The following ARID3B variants were observed in gnomAD, a reference collection of about 807,000 sequenced individuals.
The protein encoded by ARID3B is AT-rich interaction domain 3B, also known as AT-rich interactive domain-containing protein 3B.
ARID3B carries 10 observed loss-of-function variants against 51.9 expected under a neutral mutation model. The observed-to-expected ratio is 0.19, with a 90% CI of 0.12 to 0.33. The LOEUF (loss-of-function observed/expected upper bound fraction) is 0.33, where lower values mean the gene tolerates loss of function less well. Among genes scored for constraint, ARID3B ranks in the 10% least tolerant of loss-of-function variants. The pLI is 1.00. For missense variants in ARID3B, 483 were observed against 716.3 expected (o/e 0.67, Z 3.72); for synonymous variants, 205 against 279.5 (o/e 0.73, Z 2.66).
At chr15:74,555,260 G>A (rs2061653344) in intron 2 of ARID3B, among the ~76,000 whole-genome samples, 2 of 152,222 alleles carry the variant, frequency 1.3e-5, no homozygotes, top group East Asian at 1.9e-4. Context: ...TAGGTGCTGG[G>A]TACTGAAGCT....
intron 4 of ARID3B, among the ~76,000 whole-genome samples, chr15:74,575,401 C>T (rs2061734141): frequency 6.6e-6 from 1 of 152,210 alleles, no homozygotes; most frequent in Non-Finnish European, 1.5e-5. Context: ...TCTTTCATGT[C>T]CCCAGTGCTA....
At position 74,579,828 on chromosome 15, in the gene ARID3B, CGTGTGTGTGTGTGTGTGTGTGTGTGT is replaced by C. The variant is rs374538596; in HGVS notation, c.697+6644_697+6669del. Reference sequence around the variant, plus strand: ...ATGCCCCTTTGGGCTCACCTGTTGCCGTGTGTGTGTGTGTGTGTGTGTGTGTGTGTGTGTGTGTGTGTGTGCGCGCG... The same window carrying C: ...ATGCCCCTTTGGGCTCACCTGTTGCCGTGTGTGTGTGTGTGTGTGCGCGCG... On this transcript the variant is annotated intron_variant, in intron 4 of 8. Transcript: ENST00000346246. Among the ~76,000 whole-genome samples the C allele has an allele frequency of 2.9e-5, 4 of 137,768 alleles. No homozygotes were observed. In the South Asian group the frequency reaches 7.1e-4, roughly 24 times the overall value. The allele number at this position is 137,768 out of a possible 152,430, so 90.4% of individuals were successfully genotyped here.
intron 2 of ARID3B, among the ~76,000 whole-genome samples, chr15:74,572,553 T>G (rs1426353389): frequency 1.3e-5 from 2 of 152,196 alleles, no homozygotes; most frequent in Admixed American, 1.3e-4. Flanking sequence ...AACGTGGGCC[T>G]TTGTGTCCTC....
chr15:74,555,442 A>T (rs2061654034), intron 2 of ARID3B, among the ~76,000 whole-genome samples: 1 of 151,848 alleles, frequency 6.6e-6, no homozygotes, highest in Non-Finnish European at 1.5e-5. Flanking sequence ...TGATTCTCCC[A>T]CCTCAGCCTT....
At position 74,596,553 on chromosome 15, in the gene ARID3B, A is replaced by G; in HGVS notation, c.*779A>G. 1 of 233,548 alleles carries G rather than the reference A, an allele frequency of 4.3e-6. No homozygotes were observed. Among genetic ancestry groups the G allele is most frequent in the Non-Finnish European group, 8.5e-6 (1 of 118,072 alleles). The allele number at this position is 233,548 out of a possible 1,614,324, so 14.5% of individuals were successfully genotyped here. A position where few individuals can be genotyped will look rare whatever the true frequency, so the allele number is the denominator to read the frequency against. ...TTGCCCTTATTGGCCTGCTTTCCCAAAAACAGCCCACTCATCCTTTCCCCA... is the reference window on the plus strand; with the variant it reads ...TTGCCCTTATTGGCCTGCTTTCCCAGAAACAGCCCACTCATCCTTTCCCCA... On this transcript the variant is annotated 3_prime_UTR_variant, in exon 9 of 9. Transcript: ENST00000346246.
At chr15:74,588,862 G>C (rs1432590157) in intron 4 of ARID3B, among the ~76,000 whole-genome samples, 1 of 151,772 alleles carries the variant, frequency 6.6e-6, no homozygotes, top group East Asian at 1.9e-4. Flanking sequence ...GGAGTGGGTG[G>C]AGTGATTGGT....
At position 74,544,159 on chromosome 15, in the gene ARID3B, A is replaced by G. The variant is rs1370308495; in HGVS notation, c.223A>G (p.Thr75Ala). Residue 75 changes from threonine (T) to alanine (A), a missense_variant, in exon 2 of 9, where the codon ACC becomes GCC. Transcript: ENST00000346246. ...AGGTCCCTTAGCCAGAGTTCCACCC[A>G]CCGCAGCAGTGGCCCAAGTGTTTGA... ...PLGPLARVPPTAAVAQVFERG... is the reference protein window; with the variant it reads ...PLGPLARVPPAAAVAQVFERG... 6.2e-7 allele frequency: 1 copy of G among 1,613,822 alleles called. No homozygotes were observed. The highest frequency in any genetic ancestry group is 8.5e-7 in the Non-Finnish European group (1 of 1,179,786).
At chr15:74,585,371 G>A (rs966123120) in intron 4 of ARID3B, among the ~76,000 whole-genome samples, 2 of 152,206 alleles carry the variant, frequency 1.3e-5, no homozygotes, top group African/African-American at 2.4e-5. Flanking sequence ...GCAAAGACTG[G>A]GAAAGGAGCC....
Position 74,579,876 on chromosome 15 carries a change from C to T in ARID3B, c.697+6672C>T, listed in dbSNP as rs531466999. Among the ~76,000 whole-genome samples, 305 of 101,972 alleles carry T rather than the reference C, an allele frequency of 3.0e-3. 1 individual carries two copies. Among genetic ancestry groups the T allele is most frequent in the Middle Eastern group, 5.8e-3 (1 of 172 alleles). 66.9% of individuals were successfully genotyped at this position (101,972 alleles called of 152,430 possible). A position where few individuals can be genotyped will look rare whatever the true frequency, so the allele number is the denominator to read the frequency against. On this transcript the variant is annotated intron_variant, in intron 4 of 8. Coordinates refer to ENST00000346246, the MANE Select transcript of ARID3B (RefSeq NM_006465.4). ...GTGTGTGTGTGTGTGTGTGTGTGCGCGCGCGCGCACACGCAAAAAATACAC... is the reference window on the plus strand; with the variant it reads ...GTGTGTGTGTGTGTGTGTGTGTGCGTGCGCGCGCACACGCAAAAAATACAC...
rs556744390 is a variant in ARID3B at position 74,593,039 on chromosome 15, C to T, written c.1421-99C>T. The T allele has an allele frequency of 5.9e-5, 58 of 981,848 alleles. 1 individual carries two copies. Among genetic ancestry groups the T allele is most frequent in the Non-Finnish European group, 8.0e-5 (52 of 646,980 alleles). The allele number at this position is 981,848 out of a possible 1,614,324, so 60.8% of individuals were successfully genotyped here. ...AGGTTACATAGATGCCTTTTAACAG[C>T]GTGAGGCTTTGACCAGGGGTGGCCA... is the stretch of plus-strand genomic sequence containing the variant. On this transcript the variant is annotated intron_variant, in intron 7 of 8. Transcript: ENST00000346246.
intron 2 of ARID3B, among the ~76,000 whole-genome samples, chr15:74,545,798 G>C (rs1318289316): frequency 1.3e-5 from 2 of 152,202 alleles, no homozygotes. Flanking sequence ...TACAACAATA[G>C]TGTTTGCAGC....
chr15:74,557,183 C>T (rs971993663), intron 2 of ARID3B, among the ~76,000 whole-genome samples: 1 of 151,512 alleles, frequency 6.6e-6, no homozygotes, highest in Non-Finnish European at 1.5e-5. Context: ...CGGAGGCCAA[C>T]GCAGGCGGAT....
chr15:74,558,116 G>A (rs897926838), intron 2 of ARID3B, among the ~76,000 whole-genome samples: 2 of 151,176 alleles, frequency 1.3e-5, no homozygotes, highest in Non-Finnish European at 2.9e-5. Flanking sequence ...CCACGCGCCC[G>A]GCCTTTCAAC....
rs576228268 is a variant in ARID3B, at chr15:74,596,104, C to T, written c.*330C>T. ...AGTGTATCGACAATCTGTCAGCCGACGCAGGGCTGGAGGCCCTCCATTTCC... is the reference window on the plus strand; with the variant it reads ...AGTGTATCGACAATCTGTCAGCCGATGCAGGGCTGGAGGCCCTCCATTTCC... On this transcript the variant is annotated 3_prime_UTR_variant, in exon 9 of 9. Coordinates refer to ENST00000346246, the MANE Select transcript of ARID3B (RefSeq NM_006465.4). The T allele has an allele frequency of 1.0e-4, 31 of 310,572 alleles. No individual in the cohort carries two copies. Among genetic ancestry groups the T allele is most frequent in the African/African-American group, 6.1e-4 (29 of 47,312 alleles). The allele number at this position is 310,572 out of a possible 1,614,324, so 19.2% of individuals were successfully genotyped here.
chr15:74,564,596 ATTTTCT>A (rs934948956), intron 2 of ARID3B, among the ~76,000 whole-genome samples: 1 of 151,668 alleles, frequency 6.6e-6, no homozygotes, highest in African/African-American at 2.4e-5. Context: ...AAGTCTAACG[ATTTTCT>A]TTTTCTTTTT....
At chr15:74,548,622 T>C (rs2061624459) in intron 2 of ARID3B, among the ~76,000 whole-genome samples, 1 of 152,228 alleles carries the variant, frequency 6.6e-6, no homozygotes, top group African/African-American at 2.4e-5. Context: ...AATTAAAGAA[T>C]TCCTAACGTC....
At chr15:74,569,021 CCTG>C (rs2061709822) in intron 2 of ARID3B, among the ~76,000 whole-genome samples, 1 of 152,168 alleles carries the variant, frequency 6.6e-6, no homozygotes. Flanking sequence ...TCTGCTGTTC[CCTG>C]CTTTCTTCCA....
chr15:74,584,110 C>T (rs2061771546), intron 4 of ARID3B, among the ~76,000 whole-genome samples: 1 of 152,108 alleles, frequency 6.6e-6, no homozygotes, highest in Non-Finnish European at 1.5e-5. Flanking sequence ...CTGCAGGGCA[C>T]TGAGGTTTGG....
At chr15:74,573,519 G>C (rs1400054920) in intron 4 of ARID3B, 3 of 365,396 alleles carry the variant, frequency 8.2e-6, no homozygotes, top group Non-Finnish European at 1.5e-5. Flanking sequence ...AGCTACCCTG[G>C]ACTTCACTTA....
Sources: allele counts gnomAD v4.1 joint callset (sites outside exome capture counted in the v4.1 genomes callset), GRCh38; gene constraint gnomAD v4.1.1; transcripts MANE v1.5; gene names NCBI Gene and HGNC (gene_info 2026-07-23, HGNC 2026-07-21).